The following MRPL12 variants were observed in gnomAD, a reference collection of about 807,000 sequenced individuals.
The protein encoded by MRPL12 is large ribosomal subunit protein bL12m.
Under a neutral mutation model 21.1 loss-of-function variants are expected in MRPL12, and 13 were observed. The ratio of observed to expected loss-of-function variants is 0.62; its 90% CI spans 0.40 to 0.98. The LOEUF (loss-of-function observed/expected upper bound fraction) is 0.98, where lower values mean the gene tolerates loss of function less well. Among genes scored for constraint, MRPL12 ranks in the 50% least tolerant of loss-of-function variants. The pLI is 0.00. For missense variants in MRPL12, 251 were observed against 268.6 expected (o/e 0.93, Z 0.46); for synonymous variants, 126 against 115.3 (o/e 1.09, Z -0.60).
In MRPL12 at chr17:81,704,665, G is replaced by A. The variant is rs1319046827; in HGVS notation, c.294G>A (p.Val98=). 1.9e-6 allele frequency: 3 copies of A among 1,613,962 alleles called. No homozygotes were observed. The highest frequency in any genetic ancestry group is 2.5e-6 in the Non-Finnish European group (3 of 1,180,008). Residue 98 remains valine, a synonymous_variant, in exon 3 of 5, where the codon GTG becomes GTA. Transcript: ENST00000333676. ...TGAAGATCCAGGATGTCGGGCTTGTGCCGATGGGTGGTGTGATGTCTGGGG... is the reference window on the plus strand; with the variant it reads ...TGAAGATCCAGGATGTCGGGCTTGTACCGATGGGTGGTGTGATGTCTGGGG... ...KTLKIQDVGL[V]PMGGVMSGAV...
intron 1 of MRPL12, among the ~76,000 whole-genome samples, chr17:81,703,936 A>C (rs1349853980): frequency 6.6e-6 from 1 of 152,238 alleles, no homozygotes; most frequent in Non-Finnish European, 1.5e-5. Context: ...TAGTTTCGCC[A>C]CCGCTGGGTT....
At chr17:81,703,840 C>G (rs918042801) in intron 1 of MRPL12, among the ~76,000 whole-genome samples, 4 of 152,250 alleles carry the variant, frequency 2.6e-5, no homozygotes, top group Non-Finnish European at 5.9e-5. Context: ...TTTTCCGCAG[C>G]AAAGGCCCAT....
In MRPL12 at chr17:81,707,444, C is replaced by G; in HGVS notation, c.*204C>G. 1 of 567,356 alleles carries G rather than the reference C, an allele frequency of 1.8e-6. No individual in the cohort carries two copies. The highest frequency in any genetic ancestry group is 3.1e-6 in the Non-Finnish European group (1 of 324,042). The allele number at this position is 567,356 out of a possible 1,614,324, so 35.1% of individuals were successfully genotyped here. On this transcript the variant is annotated 3_prime_UTR_variant, in exon 5 of 5. Coordinates refer to ENST00000333676, the MANE Select transcript of MRPL12 (RefSeq NM_002949.4). ...GCGGCTGCTGCCTGGTGACGGCACC[C>G]GGAGGCCCACCAGGACGCGCCACCG...
In MRPL12 at chr17:81,704,285, G is replaced by A. The variant is rs746286911; in HGVS notation, c.116G>A (p.Ser39Asn). 37 of 1,612,802 alleles carry A rather than the reference G, an allele frequency of 2.3e-5. No individual in the cohort carries two copies. The South Asian group carries it at 3.7e-4, about 16-fold the overall frequency. ...GTCTGTGCCGTGCGACATATGAGGA[G>A]CAGCGGCCATCAGAGGTGTGAGGCC... The part of the protein sequence containing the change: ...PCVCAVRHMR[S>N]SGHQRCEALA... The change falls in exon 2 of 5, where the codon AGC becomes AAC. Residue 39 changes from serine (S) to asparagine (N), a missense_variant. Coordinates refer to ENST00000333676, the MANE Select transcript of MRPL12 (RefSeq NM_002949.4).
At chr17:81,704,560 G>A (rs1301718629) in intron 2 of MRPL12, 73 bp from the exon 3 acceptor site, 17 of 1,579,446 alleles carry the variant, frequency 1.1e-5, no homozygotes, top group East Asian at 4.5e-5. Flanking sequence ...TCCATGCCAG[G>A]CTAGTTGCCC....
chr17:81,704,808 C>T (rs1164722027), intron 3 of MRPL12, 92 bp downstream of exon 3: 19 of 1,107,872 alleles, frequency 1.7e-5, no homozygotes, highest in Non-Finnish European at 2.5e-5. Flanking sequence ...TCTGCAGCTA[C>T]CGTCATTGTC....
rs759048887 is a variant in MRPL12, at chr17:81,707,051, C to T, written c.480+11C>T. ...ATCAACCTCGTCCAGGTCTGTGCCG[C>T]GGTGGGGGTTCCGAGGCAGGTTCCG... On this transcript the variant is annotated intron_variant, in intron 4 of 4. Transcript: ENST00000333676. The T allele has an allele frequency of 3.1e-5, 50 of 1,614,052 alleles. No individual in the cohort carries two copies. Among genetic ancestry groups the T allele is most frequent in the South Asian group, 4.4e-5 (4 of 91,078 alleles).
At position 81,707,133 on chromosome 17, in the gene MRPL12, C is replaced by T. The variant is rs775111006; in HGVS notation, c.490C>T (p.Leu164=). 3.7e-6 allele frequency: 6 copies of T among 1,613,898 alleles called. No homozygotes were observed. Among genetic ancestry groups the T allele is most frequent in the African/African-American group, 1.3e-5 (1 of 74,942 alleles). ...QGINLVQAKK[L]VESLPQEIKA... ...TTGCTCTCTCTGGCAGGCAAAGAAG[C>T]TGGTGGAGTCCCTGCCCCAGGAAAT... The change falls in exon 5 of 5, where the codon CTG becomes TTG. Residue 164 remains leucine (L), a synonymous_variant. Coordinates refer to ENST00000333676, the MANE Select transcript of MRPL12 (RefSeq NM_002949.4).
At chr17:81,705,121 T>C (rs1279086760) in intron 3 of MRPL12, among the ~76,000 whole-genome samples, 1 of 151,790 alleles carries the variant, frequency 6.6e-6, no homozygotes, top group Non-Finnish European at 1.5e-5. Context: ...CACATGCCTG[T>C]AATCCCAGCT....
intron 3 of MRPL12, among the ~76,000 whole-genome samples, chr17:81,705,331 C>T (rs1210344543): frequency 7.2e-6 from 1 of 139,630 alleles, no homozygotes; most frequent in Admixed American, 7.8e-5. Flanking sequence ...GCGGAGGTTG[C>T]AGTGAGCCAA....
In MRPL12 at chr17:81,704,678, G is replaced by A; in HGVS notation, c.307G>A (p.Val103Met). 1 of 1,613,908 alleles carries A rather than the reference G, an allele frequency of 6.2e-7. No individual in the cohort carries two copies. The highest frequency in any genetic ancestry group is 8.5e-7 in the Non-Finnish European group (1 of 1,179,988). The change falls in exon 3 of 5, where the codon GTG becomes ATG. Residue 103 changes from valine to methionine, a missense_variant. Val to Met is a conservative substitution (Grantham distance 21). Transcript: ENST00000333676. ...QDVGLVPMGG[V>M]MSGAVPAAAA... Reference sequence around the variant, plus strand: ...TGTCGGGCTTGTGCCGATGGGTGGTGTGATGTCTGGGGCTGTCCCTGCTGC... The same window carrying A: ...TGTCGGGCTTGTGCCGATGGGTGGTATGATGTCTGGGGCTGTCCCTGCTGC...
At chr17:81,704,770 T>C in intron 3 of MRPL12, 54 bp downstream of exon 3, 1 of 1,444,878 alleles carries the variant, frequency 6.9e-7, no homozygotes, top group Non-Finnish European at 9.6e-7. Context: ...GCCTGTGGCC[T>C]CATGTGCCGT....
chr17:81,705,174 C>T (rs2037301354), intron 3 of MRPL12, among the ~76,000 whole-genome samples: 1 of 150,992 alleles, frequency 6.6e-6, no homozygotes. Context: ...ACCCGGGAGA[C>T]TGTCTCAAAC....
In MRPL12 at chr17:81,704,261, T is replaced by C; in HGVS notation, c.92T>C (p.Val31Ala). 6 of 1,610,768 alleles carry C rather than the reference T, an allele frequency of 3.7e-6. No homozygotes were observed. The highest frequency in any genetic ancestry group is 5.1e-6 in the Non-Finnish European group (6 of 1,179,054). ...GGGGCTAGGCGACAGGTGCCATGTG[T>C]CTGTGCCGTGCGACATATGAGGAGC... is the stretch of plus-strand genomic sequence containing the variant. ...FRLARRQVPC[V>A]CAVRHMRSSG... Residue 31 changes from valine to alanine, a missense_variant, in exon 2 of 5, where the codon GTC (valine) becomes GCC (alanine). Transcript: ENST00000333676.
chr17:81,705,174 C>A (rs2037301354), intron 3 of MRPL12, among the ~76,000 whole-genome samples: 1 of 150,992 alleles, frequency 6.6e-6, no homozygotes, highest in African/African-American at 2.4e-5. Flanking sequence ...ACCCGGGAGA[C>A]TGTCTCAAAC....
At position 81,703,575 on chromosome 17, in the gene MRPL12, G is replaced by A. The variant is rs1001858293; in HGVS notation, c.74G>A (p.Arg25Lys). 2.8e-6 allele frequency: 4 copies of A among 1,439,838 alleles called. No individual in the cohort carries two copies. Among genetic ancestry groups the A allele is most frequent in the Admixed American group, 2.7e-5 (1 of 37,472 alleles). 89.2% of individuals were successfully genotyped at this position (1,439,838 alleles called of 1,614,324 possible). Residue 25 changes from arginine (R) to lysine (K), a missense_variant and splice_region_variant, in exon 1 of 5, where the codon AGG becomes AAG. Transcript: ENST00000333676. The part of the protein sequence containing the change: ...GLRAAAFRLA[R>K]RQVPCVCAVR... The stretch of plus-strand genomic sequence containing the variant: ...CGGGCCGCTGCGTTCCGCCTTGCCA[G>A]GTACGCGGGATCCTGGGGCGGTCCG...
intron 3 of MRPL12, among the ~76,000 whole-genome samples, chr17:81,704,956 T>G (rs771760330): frequency 3.9e-5 from 6 of 152,116 alleles, no homozygotes; most frequent in African/African-American, 1.4e-4. Context: ...AAAAAGAGGC[T>G]GGGCGTGGTG....
chr17:81,707,492 C>T lies in MRPL12; in HGVS notation c.*252C>T. Reference sequence around the variant, plus strand: ...CCGGTGAATGTGCCTCTGGTGGCTGCTGAGAAAAATACACTGTGCAGCTCA... The same window carrying T: ...CCGGTGAATGTGCCTCTGGTGGCTGTTGAGAAAAATACACTGTGCAGCTCA... On this transcript the variant is annotated 3_prime_UTR_variant, in exon 5 of 5. Coordinates refer to ENST00000333676, the MANE Select transcript of MRPL12 (RefSeq NM_002949.4). 2.0e-6 allele frequency: 1 copy of T among 493,294 alleles called. No homozygotes were observed. Among genetic ancestry groups the T allele is most frequent in the Non-Finnish European group, 3.6e-6 (1 of 274,672 alleles). 30.6% of individuals were successfully genotyped at this position (493,294 alleles called of 1,614,324 possible).
Position 81,704,643 on chromosome 17 carries a change from A to C in MRPL12, c.272A>C (p.Lys91Thr), listed in dbSNP as rs201441859. 6.2e-7 allele frequency: 1 copy of C among 1,613,818 alleles called. No homozygotes were observed. Among genetic ancestry groups the C allele is most frequent in the South Asian group, 1.1e-5 (1 of 91,086 alleles). ...DLNELLKKTL[K>T]IQDVGLVPMG... The stretch of plus-strand genomic sequence containing the variant: ...TCTCTATCTCTGCAGAAAACGTTGA[A>C]GATCCAGGATGTCGGGCTTGTGCCG... Residue 91 changes from lysine to threonine, a missense_variant, in exon 3 of 5, where the codon AAG becomes ACG. Transcript: ENST00000333676.
Sources: allele counts gnomAD v4.1 joint callset (sites outside exome capture counted in the v4.1 genomes callset), GRCh38; gene constraint gnomAD v4.1.1; transcripts MANE v1.5; gene names NCBI Gene and HGNC (gene_info 2026-07-23, HGNC 2026-07-21).